Variants in STX3 observed in about 807,000 individuals in gnomAD.
The protein encoded by STX3 is syntaxin 3.
A neutral mutation model predicts 40.2 loss-of-function variants in STX3; 19 were observed. That is an observed-to-expected ratio of 0.47 (90% CI 0.33 to 0.69). The LOEUF (loss-of-function observed/expected upper bound fraction) is 0.69. Among genes scored for constraint, STX3 ranks in the 30% least tolerant of loss-of-function variants. The pLI is 0.02. For missense variants in STX3, 364 were observed against 366.7 expected (o/e 0.99, Z 0.06); for synonymous variants, 122 against 132.2 (o/e 0.92, Z 0.53).
chr11:59,763,239 A>T (rs1269562606), intron 1 of STX3, among the ~76,000 whole-genome samples: 2 of 152,204 alleles, frequency 1.3e-5, no homozygotes, highest in Non-Finnish European at 2.9e-5. Context: ...ACATTGGATT[A>T]GACCACCCAG....
At chr11:59,765,393 GTA>G (rs889293761) in intron 1 of STX3, among the ~76,000 whole-genome samples, 1 of 152,180 alleles carries the variant, frequency 6.6e-6, no homozygotes, top group Non-Finnish European at 1.5e-5. Flanking sequence ...ATGGGTGTGT[GTA>G]TGTGTCTGTG....
intron 1 of STX3, among the ~76,000 whole-genome samples, chr11:59,761,214 T>G (rs879573379): frequency 6.6e-6 from 1 of 152,260 alleles, no homozygotes; most frequent in East Asian, 1.9e-4. Context: ...AGAAAGACAA[T>G]GAAGGCGAAG....
At position 59,801,682 on chromosome 11, in the gene STX3, C is replaced by G. The variant is rs993073122; in HGVS notation, c.*858C>G. On this transcript the variant is annotated 3_prime_UTR_variant, in exon 11 of 11. Transcript: ENST00000337979. Reference sequence around the variant, plus strand: ...GGGCAAGGGACAAGGTGCTAGAATCCTAAGCTCTGGAAATATTTCATGACA... The same window carrying G: ...GGGCAAGGGACAAGGTGCTAGAATCGTAAGCTCTGGAAATATTTCATGACA... The G allele has an allele frequency of 1.9e-5, 19 of 985,624 alleles. No homozygotes were observed. The African/African-American group carries it at 3.1e-4, about 16-fold the overall frequency. 61.1% of individuals were successfully genotyped at this position (985,624 alleles called of 1,614,324 possible). A position where few individuals can be genotyped will look rare whatever the true frequency, so the allele number is the denominator to read the frequency against.
chr11:59,775,691 A>T (rs900077518), intron 2 of STX3, among the ~76,000 whole-genome samples: 2 of 152,188 alleles, frequency 1.3e-5, no homozygotes, highest in African/African-American at 4.8e-5. Context: ...TGCCATGAGG[A>T]TCATATGAGA....
At chr11:59,769,630 G>T (rs72931245) in intron 1 of STX3, among the ~76,000 whole-genome samples, 1 of 152,216 alleles carries the variant, frequency 6.6e-6, no homozygotes, top group Non-Finnish European at 1.5e-5. Context: ...AGCCATTGTG[G>T]ATGTGGGGAA....
intron 8 of STX3, among the ~76,000 whole-genome samples, chr11:59,794,016 T>C (rs1865371717): frequency 6.6e-6 from 1 of 152,196 alleles, no homozygotes; most frequent in Non-Finnish European, 1.5e-5. Context: ...ACTGATGACA[T>C]TGAAAATGTG....
rs1863766509 is a variant in STX3 at position 59,773,308 on chromosome 11, C to T, written c.114+14C>T. The T allele has an allele frequency of 6.2e-7, 1 of 1,613,398 alleles. No homozygotes were observed. Among genetic ancestry groups the T allele is most frequent in the African/African-American group, 1.3e-5 (1 of 74,990 alleles). On this transcript the variant is annotated intron_variant, in intron 2 of 10. Transcript: ENST00000337979. ...TTCTTTTCTGAGGTAGGCAACCTTC[C>T]TGTATTTTTTTCTAAATGTACATAA...
At chr11:59,797,165 T>A (rs1865569168) in intron 9 of STX3, 118 bp from the exon 10 acceptor site, 1 of 715,054 alleles carries the variant, frequency 1.4e-6, no homozygotes, top group Non-Finnish European at 2.4e-6. Flanking sequence ...GTAGGCCTCT[T>A]ACTCAGACTG....
chr11:59,792,271 A>T, intron 6 of STX3, 56 bp downstream of exon 6: 1 of 1,521,596 alleles, frequency 6.6e-7, no homozygotes, highest in Non-Finnish European at 9.0e-7. Flanking sequence ...CTGGTTGTCC[A>T]TCCCAAGTTT....
At chr11:59,754,359 A>T (rs1862605296), upstream of STX3, 1 of 152,316 alleles carries the variant, frequency 6.6e-6, no homozygotes, top group African/African-American at 2.4e-5. Flanking sequence ...TGCTAGAATT[A>T]CAAAGATATT....
chr11:59,800,640 G>A, intron 10 of STX3: 1 of 985,344 alleles, frequency 1.0e-6, no homozygotes, highest in East Asian at 1.1e-4. Flanking sequence ...CTTATAAAAG[G>A]CCTAGAGGCT....
At chr11:59,799,635 C>T in intron 10 of STX3, 1 of 985,142 alleles carries the variant, frequency 1.0e-6, no homozygotes, top group Non-Finnish European at 1.2e-6. Context: ...AATACCATGC[C>T]AGTACCCAGA....
rs1220220475 is a variant in STX3 at position 59,805,462 on chromosome 11, T to C, written c.*4638T>C. The C allele has an allele frequency of 1.3e-5, 2 of 152,248 alleles. No individual in the cohort carries two copies. Among genetic ancestry groups the C allele is most frequent in the Non-Finnish European group, 2.9e-5 (2 of 68,040 alleles). 9.4% of individuals were successfully genotyped at this position (152,248 alleles called of 1,614,324 possible). A position where few individuals can be genotyped will look rare whatever the true frequency, so the allele number is the denominator to read the frequency against. The stretch of plus-strand genomic sequence containing the variant: ...TAAAAATATTTTGGTCAGTGCTGTT[T>C]TCTACCCACCTTCAAAAGCCAATGG... On this transcript the variant is annotated 3_prime_UTR_variant, in exon 11 of 11. Transcript: ENST00000337979.
Position 59,773,012 on chromosome 11 carries a change from CAA to C in STX3, c.31-198_31-197del, listed in dbSNP as rs1491425892. ...ACACACACACACACACACACACACA[CAA>C]CCCAGCAATTGGTAGAGCTAGGATT... is the stretch of plus-strand genomic sequence containing the variant. On this transcript the variant is annotated intron_variant, in intron 1 of 10. Coordinates refer to ENST00000337979, the MANE Select transcript of STX3 (RefSeq NM_004177.5). Among the ~76,000 whole-genome samples the C allele has an allele frequency of 2.2e-3, 330 of 151,132 alleles. 1 individual carries two copies. Among genetic ancestry groups the C allele is most frequent in the African/African-American group, 7.6e-3 (312 of 40,992 alleles).
At chr11:59,786,943 G>A in intron 2 of STX3, 94 bp from the exon 3 acceptor site, 2 of 1,053,884 alleles carry the variant, frequency 1.9e-6, no homozygotes, top group Non-Finnish European at 2.8e-6. Flanking sequence ...CAGAAGATGG[G>A]CAGCTTTCAC....
chr11:59,761,616 G>T (rs1565161163), intron 1 of STX3, among the ~76,000 whole-genome samples: 3 of 152,070 alleles, frequency 2.0e-5, no homozygotes, highest in Non-Finnish European at 2.9e-5. Context: ...TTTATGTTAG[G>T]CCCCTCTGCA....
At chr11:59,793,589 G>A in intron 8 of STX3, 75 bp downstream of exon 8, 1 of 1,530,674 alleles carries the variant, frequency 6.5e-7, no homozygotes, top group African/African-American at 1.4e-5. Flanking sequence ...GGGAGAAAGG[G>A]AATACTGGAA....
At chr11:59,795,786 C>A in intron 9 of STX3, 1 of 1,345,822 alleles carries the variant, frequency 7.4e-7, no homozygotes, top group Non-Finnish European at 1.0e-6. Context: ...CCACCCCTAC[C>A]TGTGTTCTTG....
rs770455222 is a variant in STX3 at position 59,801,590 on chromosome 11, A to G, written c.*766A>G. On this transcript the variant is annotated 3_prime_UTR_variant, in exon 11 of 11. Coordinates refer to ENST00000337979, the MANE Select transcript of STX3 (RefSeq NM_004177.5). The stretch of plus-strand genomic sequence containing the variant: ...TCTGAGTCTTAGAAACTGGCTGCTC[A>G]TTGTTAGAAAGTGATGCTTTGTGAG... 6.1e-6 allele frequency: 6 copies of G among 985,460 alleles called. No individual in the cohort carries two copies. The highest frequency in any genetic ancestry group is 7.2e-6 in the Non-Finnish European group (6 of 829,928). 61.0% of individuals were successfully genotyped at this position (985,460 alleles called of 1,614,324 possible).
Sources: allele counts gnomAD v4.1 joint callset (sites outside exome capture counted in the v4.1 genomes callset), GRCh38; gene constraint gnomAD v4.1.1; transcripts MANE v1.5; gene names NCBI Gene and HGNC (gene_info 2026-07-23, HGNC 2026-07-21).